Variants in CLVS1 observed in about 807,000 individuals in gnomAD.
The protein encoded by CLVS1 is clavesin 1.
Under a neutral mutation model 33.1 loss-of-function variants are expected in CLVS1, and 10 were observed. The ratio of observed to expected loss-of-function variants is 0.30; its 90% CI spans 0.19 to 0.51. The LOEUF (loss-of-function observed/expected upper bound fraction) is 0.51, where lower values mean the gene tolerates loss of function less well. Ranked by LOEUF, CLVS1 falls within the 20% of genes least tolerant of loss-of-function variation. The pLI is 0.97. For synonymous variants in CLVS1, 163 were observed against 166.1 expected (o/e 0.98, Z 0.14); for missense variants, 343 against 433.4 (o/e 0.79, Z 1.85).
intron 3 of CLVS1, among the ~76,000 whole-genome samples, chr8:61,392,841 T>TAAAAAAAAAAAAAAAAA (rs1372071851): frequency 1.4e-5 from 2 of 146,088 alleles, no homozygotes; most frequent in African/African-American, 5.6e-5. Flanking sequence ...AGACTCTGTC[T>TAAAAAAAAAAAAAAAAA]CAAAAAAAAC....
At chr8:61,024,379 A>T in the CLVS1 span, among the ~76,000 whole-genome samples, 1 of 152,220 alleles carries the variant, frequency 6.6e-6, no homozygotes, top group Non-Finnish European at 1.5e-5. Context: ...AAGCAAAGTT[A>T]AACTATTCCC....
chr8:61,349,720 A>T (rs1017468220), intron 2 of CLVS1, among the ~76,000 whole-genome samples: 1 of 151,904 alleles, frequency 6.6e-6, no homozygotes, highest in African/African-American at 2.4e-5. Context: ...TTGATCCCAA[A>T]CTCCCATACT....
intron 2 of CLVS1, among the ~76,000 whole-genome samples, chr8:61,166,955 G>T (rs1806879137): frequency 1.4e-5 from 2 of 143,596 alleles, no homozygotes; most frequent in Non-Finnish European, 1.5e-5. Flanking sequence ...TTAGTCAACT[G>T]AAACACCATT....
rs567035215 is a variant in CLVS1 at position 61,170,074 on chromosome 8, T to C, written c.-152+38214T>C. Among the ~76,000 whole-genome samples the C allele has an allele frequency of 1.3e-3, 191 of 152,240 alleles. 1 individual carries two copies. The highest frequency in any genetic ancestry group is 4.3e-3 in the African/African-American group (180 of 41,544). On this transcript the variant is annotated intron_variant, in intron 2 of 2. Coordinates refer to the CLVS1 transcript ENST00000522621. ...ATTTTGACATATACATATATATATATACACACATATACACACACAAGTGAA... is the reference window on the plus strand; with the variant it reads ...ATTTTGACATATACATATATATATACACACACATATACACACACAAGTGAA...
intron 3 of CLVS1, among the ~76,000 whole-genome samples, chr8:61,383,055 C>G (rs965081608): frequency 4.7e-4 from 72 of 152,202 alleles, no homozygotes; most frequent in African/African-American, 1.7e-3. Flanking sequence ...CTCTAGTGCA[C>G]TCATTTAAAT....
the CLVS1 span, among the ~76,000 whole-genome samples, chr8:60,987,296 T>C: frequency 6.6e-6 from 1 of 152,118 alleles, no homozygotes; most frequent in Admixed American, 6.5e-5. Flanking sequence ...TCTTGAAGGA[T>C]AAATAGAAGC....
At chr8:61,267,159 C>A (rs934385703) in intron 2 of CLVS1, among the ~76,000 whole-genome samples, 1 of 152,170 alleles carries the variant, frequency 6.6e-6, no homozygotes, top group Non-Finnish European at 1.5e-5. Context: ...TTCAGTTTCC[C>A]TGTTACCCAC....
chr8:61,068,227 G>GTATATATATATATATA lies in CLVS1; in HGVS notation c.-243+10998_-243+10999insATATATATATATATAT, dbSNP rs761732435. On this transcript the variant is annotated intron_variant, in intron 1 of 2. Coordinates refer to the CLVS1 transcript ENST00000522621. The stretch of plus-strand genomic sequence containing the variant: ...TATATATATATATATATGTATGTAT[G>GTATATATATATATATA]TGTATATATATATATATATATGTAT... 1.3e-3 allele frequency among the ~76,000 whole-genome samples: 117 copies of GTATATATATATATATA among 88,264 alleles called. 1 individual carries two copies. Among genetic ancestry groups the GTATATATATATATATA allele is most frequent in the African/African-American group, 4.5e-3 (112 of 25,084 alleles). The allele number at this position is 88,264 out of a possible 152,430, so 57.9% of individuals were successfully genotyped here. A position where few individuals can be genotyped will look rare whatever the true frequency, so the allele number is the denominator to read the frequency against.
intron 4 of CLVS1, among the ~76,000 whole-genome samples, chr8:61,456,630 A>G (rs985408027): frequency 6.6e-6 from 1 of 152,108 alleles, no homozygotes; most frequent in African/African-American, 2.4e-5. Context: ...TAAAAATCAC[A>G]TATAGGCTGG....
intron 2 of CLVS1, among the ~76,000 whole-genome samples, chr8:61,205,364 G>C (rs62525830): frequency 0.22 from 34,107 of 152,012 alleles, 4,017 homozygotes; most frequent in Admixed American, 0.28. Flanking sequence ...TCACATCAAT[G>C]GAATCATACA....
the CLVS1 span, among the ~76,000 whole-genome samples, chr8:61,042,577 C>T: frequency 3.6e-4 from 36 of 100,820 alleles, no homozygotes; most frequent in South Asian, 2.6e-3. Flanking sequence ...TTATTGCCCA[C>T]CTCCCAATAC....
intron 3 of CLVS1, among the ~76,000 whole-genome samples, chr8:61,414,724 T>C (rs560162697): frequency 3.3e-4 from 50 of 152,278 alleles, no homozygotes; most frequent in African/African-American, 9.1e-4. Flanking sequence ...CCTCAAGGTG[T>C]TGAGAGTTAA....
intron 1 of CLVS1, among the ~76,000 whole-genome samples, chr8:61,117,168 T>G (rs1176251224): frequency 1.7e-5 from 2 of 119,060 alleles, no homozygotes; most frequent in African/African-American, 3.8e-5. Flanking sequence ...TTTGGCTCTC[T>G]GTTTGTCTGT....
chr8:61,490,235 A>T (rs1254302652), intron 5 of CLVS1, among the ~76,000 whole-genome samples: 2 of 150,530 alleles, frequency 1.3e-5, no homozygotes, highest in Admixed American at 1.3e-4. Context: ...GAATGCTTTG[A>T]TGCTTTGAAC....
chr8:61,184,070 CT>C (rs1171137745), intron 2 of CLVS1, among the ~76,000 whole-genome samples: 1 of 152,194 alleles, frequency 6.6e-6, no homozygotes, highest in Non-Finnish European at 1.5e-5. Context: ...TGACAACCCC[CT>C]GCTGACCCCT....
At chr8:61,188,990 G>T (rs556819083) in intron 2 of CLVS1, among the ~76,000 whole-genome samples, 1 of 152,098 alleles carries the variant, frequency 6.6e-6, no homozygotes, top group South Asian at 2.1e-4. Flanking sequence ...TATACATTTA[G>T]ATATATTGTA....
At chr8:61,287,804 T>C (rs890918467), upstream of CLVS1, among the ~76,000 whole-genome samples, 1 of 152,212 alleles carries the variant, frequency 6.6e-6, no homozygotes, top group Non-Finnish European at 1.5e-5. Flanking sequence ...TTTTTAATGT[T>C]GTGTGGGGAG....
Position 61,146,781 on chromosome 8 carries a change from A to G in CLVS1, c.-152+14921A>G, listed in dbSNP as rs551347400. Among the ~76,000 whole-genome samples, 5 of 152,032 alleles carry G rather than the reference A, an allele frequency of 3.3e-5. No individual in the cohort carries two copies. In the East Asian group the frequency reaches 9.7e-4, roughly 29 times the overall value. On this transcript the variant is annotated intron_variant, in intron 2 of 2. Coordinates refer to the CLVS1 transcript ENST00000522621. ...TGAGCTTCACCAGCTGCCTCACTTA[A>G]CTTTATCTGTAGTTTGCTCTATCTG... is the stretch of plus-strand genomic sequence containing the variant.
At chr8:61,071,710 C>T (rs1804800135) in intron 1 of CLVS1, among the ~76,000 whole-genome samples, 1 of 152,116 alleles carries the variant, frequency 6.6e-6, no homozygotes, top group African/African-American at 2.4e-5. Context: ...CTTTTCCTAC[C>T]CAGTCACATA....
Sources: gnomAD v4.1 joint callset for allele counts (sites outside exome capture counted in the v4.1 genomes callset) on GRCh38, gnomAD v4.1.1 for gene constraint, MANE v1.5 for transcripts, NCBI Gene and HGNC (gene_info 2026-07-23, HGNC 2026-07-21) for gene names.